Variants in PGCKA1 observed in about 807,000 individuals in gnomAD.
PGCKA1 encodes the protein PDCD10 and GCKIII kinases-associated protein 1.
the PGCKA1 span, among the ~76,000 whole-genome samples, chr4:37,461,796 T>C: frequency 3.3e-5 from 5 of 152,088 alleles, no homozygotes; most frequent in Admixed American, 3.3e-4. Context: ...TTTGCTGTCC[T>C]TTAGCTGTCC....
chr4:37,468,040 G>A, the PGCKA1 span, among the ~76,000 whole-genome samples: 1 of 152,162 alleles, frequency 6.6e-6, no homozygotes, highest in Non-Finnish European at 1.5e-5. Flanking sequence ...AATGAACTTT[G>A]GGTTCAGGGC....
the PGCKA1 span, among the ~76,000 whole-genome samples, chr4:37,543,204 G>GT: frequency 1.2e-4 from 18 of 151,926 alleles, no homozygotes; most frequent in South Asian, 3.5e-3. Flanking sequence ...TCTTTGGTGG[G>GT]TTTTTTTCCA....
chr4:37,491,371 A>G, the PGCKA1 span, among the ~76,000 whole-genome samples: 1 of 152,228 alleles, frequency 6.6e-6, no homozygotes, highest in African/African-American at 2.4e-5. Flanking sequence ...CATTATTCAC[A>G]TTATTATGAC....
At chr4:37,539,338 T>C in the PGCKA1 span, among the ~76,000 whole-genome samples, 1 of 152,194 alleles carries the variant, frequency 6.6e-6, no homozygotes, top group African/African-American at 2.4e-5. Context: ...GCCACTGGTC[T>C]GTCCTGATAT....
the PGCKA1 span, among the ~76,000 whole-genome samples, chr4:37,464,645 AC>A: frequency 6.6e-6 from 1 of 152,156 alleles, no homozygotes; most frequent in Non-Finnish European, 1.5e-5. Flanking sequence ...CCTCGTCTTG[AC>A]CTTATATAAA....
chr4:37,491,921 G>A, the PGCKA1 span, among the ~76,000 whole-genome samples: 1 of 151,794 alleles, frequency 6.6e-6, no homozygotes, highest in East Asian at 1.9e-4. Flanking sequence ...ATGCTATCAT[G>A]TTTTTCCTTT....
the PGCKA1 span, among the ~76,000 whole-genome samples, chr4:37,525,828 T>C: frequency 2.0e-5 from 3 of 152,174 alleles, no homozygotes; most frequent in Admixed American, 2.0e-4. Flanking sequence ...GTTTTTAGAA[T>C]TTATTTTTCT....
the PGCKA1 span, among the ~76,000 whole-genome samples, chr4:37,536,818 A>G: frequency 2.0e-5 from 3 of 152,210 alleles, no homozygotes; most frequent in East Asian, 5.8e-4. Flanking sequence ...CTTGCTCTCT[A>G]CTAAAACTGA....
the PGCKA1 span, among the ~76,000 whole-genome samples, chr4:37,543,665 G>GA: frequency 0.26 from 38,781 of 147,860 alleles, 5,240 homozygotes; most frequent in East Asian, 0.4. Flanking sequence ...CATCTCTACT[G>GA]AAAAAAAAAA....
At chr4:37,590,873 A>T in the PGCKA1 span, 1 of 1,614,244 alleles carries the variant, frequency 6.2e-7, no homozygotes, top group East Asian at 2.2e-5. Flanking sequence ...GGAAACAGGC[A>T]GGAGGATACC....
chr4:37,507,539 C>T, the PGCKA1 span, among the ~76,000 whole-genome samples: 1 of 152,088 alleles, frequency 6.6e-6, no homozygotes, highest in South Asian at 2.1e-4. Flanking sequence ...AACAAACTAA[C>T]AAAAAGAAAA....
At chr4:37,571,382 GAGAC>G in the PGCKA1 span, among the ~76,000 whole-genome samples, 3 of 23,832 alleles carry the variant, frequency 1.3e-4, no homozygotes, top group African/African-American at 3.2e-4. Context: ...TTTTTTTTTT[GAGAC>G]AGACCTCACT....
chr4:37,501,091 T>C, the PGCKA1 span, among the ~76,000 whole-genome samples: 3 of 152,214 alleles, frequency 2.0e-5, no homozygotes, highest in Non-Finnish European at 4.4e-5. Flanking sequence ...TGCCTTTTAA[T>C]TGGGGCATTT....
the PGCKA1 span, among the ~76,000 whole-genome samples, chr4:37,567,673 TCA>T: frequency 4.0e-5 from 6 of 151,264 alleles, no homozygotes; most frequent in African/African-American, 7.3e-5. Flanking sequence ...TCTTTCTCTC[TCA>T]CACACACACA....
the PGCKA1 span, among the ~76,000 whole-genome samples, chr4:37,574,178 A>C: frequency 6.9e-6 from 1 of 145,746 alleles, no homozygotes; most frequent in Non-Finnish European, 1.5e-5. Context: ...ACAGAGCAAG[A>C]CTCCATCTCA....
chr4:37,465,568 A>G, the PGCKA1 span, among the ~76,000 whole-genome samples: 9 of 152,262 alleles, frequency 5.9e-5, no homozygotes, highest in East Asian at 9.7e-4. Context: ...TACCAAGAGA[A>G]GTAGACAGTA....
the PGCKA1 span, among the ~76,000 whole-genome samples, chr4:37,483,448 C>A: frequency 6.6e-6 from 1 of 152,146 alleles, no homozygotes; most frequent in African/African-American, 2.4e-5. Flanking sequence ...TTTGTTCCTC[C>A]ACACCCTACA....
the PGCKA1 span, among the ~76,000 whole-genome samples, chr4:37,551,430 T>C: frequency 3.9e-5 from 6 of 152,176 alleles, no homozygotes; most frequent in Non-Finnish European, 7.3e-5. Context: ...AACAGAATCA[T>C]ATGGTTGCAA....
the PGCKA1 span, among the ~76,000 whole-genome samples, chr4:37,522,026 T>C: frequency 1.3e-5 from 2 of 152,366 alleles, no homozygotes; most frequent in South Asian, 2.1e-4. Flanking sequence ...TTGGATTCCA[T>C]TGGTATCTCA....
Sources: allele counts gnomAD v4.1 joint callset (sites outside exome capture counted in the v4.1 genomes callset), GRCh38; gene constraint gnomAD v4.1.1; transcripts MANE v1.5; gene names NCBI Gene and HGNC (gene_info 2026-07-23, HGNC 2026-07-21).